Variants in ERCC6L2 observed in about 807,000 individuals in gnomAD.
ERCC6L2 encodes the protein DNA excision repair protein ERCC-6-like 2.
A neutral mutation model predicts 132.0 loss-of-function variants in ERCC6L2; 77 were observed. The ratio of observed to expected loss-of-function variants is 0.58; its 90% CI spans 0.49 to 0.71. The LOEUF is 0.71. ERCC6L2 is among the 30% of genes least tolerant of loss of function. ERCC6L2 has a pLI of 0.00. For missense variants in ERCC6L2, 1,542 were observed against 1,837.6 expected (o/e 0.84, Z 2.94); for synonymous variants, 583 against 632.4 (o/e 0.92, Z 1.17).
intron 6 of ERCC6L2, chr9:95,918,441 G>T: frequency 2.2e-6 from 1 of 445,256 alleles, no homozygotes; most frequent in Non-Finnish European, 4.5e-6. Context: ...GGGCCTCATA[G>T]CTACCATTTA....
intron 12 of ERCC6L2, among the ~76,000 whole-genome samples, chr9:95,953,148 A>G (rs1023648517): frequency 2.0e-5 from 3 of 152,218 alleles, no homozygotes; most frequent in African/African-American, 7.2e-5. Context: ...TATAGGTGTT[A>G]TAGTTGCATA....
At chr9:95,949,942 G>A (rs1831251372) in intron 12 of ERCC6L2, among the ~76,000 whole-genome samples, 1 of 151,734 alleles carries the variant, frequency 6.6e-6, no homozygotes, top group African/African-American at 2.4e-5. Flanking sequence ...GGGAGACGGA[G>A]CTTGCAGTGA....
At chr9:95,994,113 A>G (rs1370785962) in intron 17 of ERCC6L2, among the ~76,000 whole-genome samples, 4 of 152,218 alleles carry the variant, frequency 2.6e-5, no homozygotes, top group Non-Finnish European at 5.9e-5. Context: ...TACTTAAGCA[A>G]AAATCCCGAA....
intron 1 of ERCC6L2, among the ~76,000 whole-genome samples, chr9:95,878,711 G>T (rs1195727123): frequency 7.3e-6 from 1 of 136,666 alleles, no homozygotes; most frequent in African/African-American, 2.8e-5. Flanking sequence ...CTGTGTCCAT[G>T]TGTTCTCATT....
intron 19 of ERCC6L2, among the ~76,000 whole-genome samples, chr9:96,035,707 A>ATACCTCAGTTACCTCATTG (rs1834511277): frequency 1.3e-5 from 2 of 152,208 alleles, no homozygotes; most frequent in African/African-American, 4.8e-5. Flanking sequence ...ACCTGTCTGC[A>ATACCTCAGTTACCTCATTG]TACCTCAGTT....
At position 95,881,062 on chromosome 9, in the gene ERCC6L2, G is replaced by T; in HGVS notation, c.240G>T (p.Arg80Ser). 1 of 1,613,402 alleles carries T rather than the reference G, an allele frequency of 6.2e-7. No individual in the cohort carries two copies. The highest frequency in any genetic ancestry group is 8.5e-7 in the Non-Finnish European group (1 of 1,179,502). ...TGAAATTTGTTAAAGATTGCCCTAG[G>T]AATCTTATATTTGATGATGAAGATT... ...QEVKFVKDCP[R>S]NLIFDDEDLE... The change falls in exon 2 of 19, where the codon AGG (arginine) becomes AGT (serine). Residue 80 changes from arginine to serine, a missense_variant. Arg to Ser is a moderately radical substitution (Grantham distance 110, BLOSUM62 -1). This residue lies in a region of ERCC6L2 where 153 missense variants were observed against 132.3 expected (regional missense o/e 1.16). Coordinates refer to ENST00000653738, the MANE Select transcript of ERCC6L2 (RefSeq NM_020207.7).
At chr9:96,004,845 C>T (rs1833812927) in intron 18 of ERCC6L2, 144 bp downstream of exon 18, 2 of 481,648 alleles carry the variant, frequency 4.2e-6, no homozygotes, top group Non-Finnish European at 6.9e-6. Context: ...AAATAAACTG[C>T]AAATGTTTTA....
chr9:95,891,551 C>T (rs1042077902), intron 2 of ERCC6L2, among the ~76,000 whole-genome samples: 4 of 150,512 alleles, frequency 2.7e-5, no homozygotes, highest in South Asian at 2.1e-4. Flanking sequence ...TGTGTGTATT[C>T]CTAGAATTGG....
chr9:95,905,643 A>C (rs1016935521), intron 3 of ERCC6L2, among the ~76,000 whole-genome samples: 2 of 152,362 alleles, frequency 1.3e-5, no homozygotes, highest in South Asian at 2.1e-4. Context: ...GGACGGACAT[A>C]CTTGAGATGA....
At chr9:95,999,056 T>A (rs1265451293) in intron 17 of ERCC6L2, among the ~76,000 whole-genome samples, 1 of 152,164 alleles carries the variant, frequency 6.6e-6, no homozygotes. Flanking sequence ...ATTGAGCCCA[T>A]GTTAAATAAG....
intron 1 of ERCC6L2, among the ~76,000 whole-genome samples, chr9:95,877,803 T>TA (rs901782042): frequency 7.3e-4 from 98 of 135,050 alleles, no homozygotes; most frequent in African/African-American, 1.4e-3. Context: ...CACTCTTGTC[T>TA]AAAAAAAAAA....
At position 96,012,257 on chromosome 9, in the gene ERCC6L2, A is replaced by G. The variant is rs749414658; in HGVS notation, c.3707A>G (p.Asn1236Ser). Residue 1236 changes from asparagine (N) to serine (S), a missense_variant, in exon 19 of 19, where the codon AAC becomes AGC. By Grantham distance (46) the Asn-to-Ser change is conservative (BLOSUM62 1). Transcript: ENST00000653738. ...KQFEEMASYF[N>S]SSSVNEFAKH... ...TTTGAAGAAATGGCCTCTTATTTTA[A>G]CTCGTCTTCTGTAAACGAATTTGCT... The G allele has an allele frequency of 3.9e-6, 5 of 1,284,754 alleles. No homozygotes were observed. The African/African-American group carries it at 7.7e-5, about 20-fold the overall frequency. 79.6% of individuals were successfully genotyped at this position (1,284,754 alleles called of 1,614,324 possible). A position where few individuals can be genotyped will look rare whatever the true frequency, so the allele number is the denominator to read the frequency against.
chr9:95,970,777 C>T, intron 15 of ERCC6L2, 121 bp downstream of exon 15: 2 of 565,870 alleles, frequency 3.5e-6, no homozygotes, highest in Non-Finnish European at 5.2e-6. Flanking sequence ...GAGTCAAGGA[C>T]ACAAAGTCAG....
At position 95,880,980 on chromosome 9, in the gene ERCC6L2, T is replaced by C; in HGVS notation, c.158T>C (p.Val53Ala). 1.2e-6 allele frequency: 2 copies of C among 1,614,024 alleles called. No homozygotes were observed. Among genetic ancestry groups the C allele is most frequent in the Non-Finnish European group, 1.7e-6 (2 of 1,179,928 alleles). ...GATGAAAATGGCAAGTCATTTGCAG[T>C]CGTCTTATATGCAGATTTTCAAGAA... ...TVDENGKSFAVVLYADFQERK... is the reference protein window; with the variant it reads ...TVDENGKSFAAVLYADFQERK... The change falls in exon 2 of 19, where the codon GTC becomes GCC. Residue 53 changes from valine to alanine, a missense_variant. By Grantham distance (64) the Val-to-Ala change is moderately conservative. Transcript: ENST00000653738.
At chr9:95,995,258 A>G (rs1352280741) in intron 17 of ERCC6L2, among the ~76,000 whole-genome samples, 1 of 152,236 alleles carries the variant, frequency 6.6e-6, no homozygotes, top group East Asian at 1.9e-4. Context: ...AATGAAAATA[A>G]TGCAACTTGG....
intron 12 of ERCC6L2, among the ~76,000 whole-genome samples, chr9:95,943,331 G>A (rs1484345627): frequency 6.6e-6 from 1 of 152,096 alleles, no homozygotes; most frequent in Non-Finnish European, 1.5e-5. Flanking sequence ...GGATACCCTG[G>A]TCAGTTCTCA....
chr9:96,037,260 G>A (rs978792457), intron 19 of ERCC6L2, among the ~76,000 whole-genome samples: 2 of 152,294 alleles, frequency 1.3e-5, no homozygotes, highest in African/African-American at 2.4e-5. Flanking sequence ...AAAAGCAGTC[G>A]GAGCTGCTAT....
intron 17 of ERCC6L2, among the ~76,000 whole-genome samples, chr9:95,996,007 C>A (rs1225747335): frequency 1.3e-5 from 2 of 152,188 alleles, no homozygotes; most frequent in Non-Finnish European, 2.9e-5. Context: ...TCTCTCACAT[C>A]AAAAGCTAGA....
chr9:95,876,115 A>G, intron 1 of ERCC6L2, 31 bp downstream of exon 1: 1 of 1,547,804 alleles, frequency 6.5e-7, no homozygotes, highest in Non-Finnish European at 8.7e-7. Context: ...CCTTACGCAG[A>G]GGCCTGTGTA....
Sources: allele counts gnomAD v4.1 joint callset (sites outside exome capture counted in the v4.1 genomes callset), GRCh38; gene constraint gnomAD v4.1.1; regional missense constraint gnomAD v4.1.1; transcripts MANE v1.5; gene names NCBI Gene and HGNC (gene_info 2026-07-23, HGNC 2026-07-21).